KCNJ12: variants seen among roughly 807,000 people sequenced by gnomAD.
KCNJ12 encodes the protein ATP-sensitive inward rectifier potassium channel 12.
Under a neutral mutation model 22.3 loss-of-function variants are expected in KCNJ12, and 2 were observed. That is an observed-to-expected ratio of 0.09 (90% CI 0.04 to 0.28). The LOEUF (loss-of-function observed/expected upper bound fraction) is 0.28, where lower values mean the gene tolerates loss of function less well. Ranked by LOEUF, KCNJ12 falls within the 10% of genes least tolerant of loss-of-function variation. The pLI, the probability that KCNJ12 is intolerant of heterozygous loss-of-function variation, is 1.00. For synonymous variants in KCNJ12, 117 were observed against 261.4 expected, an observed-to-expected ratio of 0.45 and a Z score of 5.33; for missense variants, 155 against 633.3, an observed-to-expected ratio of 0.24 and a Z score of 8.11.
chr17:21,377,320 G>T (rs782237320), intron 1 of KCNJ12, among the ~76,000 whole-genome samples: 4 of 152,102 alleles, frequency 2.6e-5, no homozygotes, highest in African/African-American at 9.7e-5. Context: ...GAGACCCCGC[G>T]ATCGAGGTGG....
chr17:21,411,324 C>T (rs9900223), intron 2 of KCNJ12, among the ~76,000 whole-genome samples: 408 of 151,852 alleles, frequency 2.7e-3, no homozygotes, highest in African/African-American at 7.5e-3. Flanking sequence ...GTGGACTGGT[C>T]GCTGGGAGGC....
rs1477701609 is a variant in KCNJ12 at position 21,418,201 on chromosome 17, G to A, written c.*1557G>A. On this transcript the variant is annotated 3_prime_UTR_variant, in exon 3 of 3. Transcript: ENST00000583088. ...GTAGAGCCAGGCCCTTCCCAGGGCT[G>A]CGGAGAAAACCTGCTCTCTTCTAGT... is the stretch of plus-strand genomic sequence containing the variant. 1.2e-5 allele frequency: 2 copies of A among 167,014 alleles called. No homozygotes were observed. Among genetic ancestry groups the A allele is most frequent in the Non-Finnish European group, 2.9e-5 (2 of 68,166 alleles). The allele number at this position is 167,014 out of a possible 1,614,324, so 10.3% of individuals were successfully genotyped here.
At chr17:21,414,916 T>C (rs1272722922) in intron 2 of KCNJ12, among the ~76,000 whole-genome samples, 2 of 152,306 alleles carry the variant, frequency 1.3e-5, no homozygotes, top group Non-Finnish European at 2.9e-5. Context: ...GTGGCTGCCA[T>C]GGAGACTGGG....
chr17:21,403,881 T>C, intron 1 of KCNJ12, among the ~76,000 whole-genome samples: 1 of 152,278 alleles, frequency 6.6e-6, no homozygotes, highest in Non-Finnish European at 1.5e-5. Context: ...CAGGAAGGGA[T>C]GGAGACAGGA....
intron 2 of KCNJ12, among the ~76,000 whole-genome samples, chr17:21,409,563 C>A (rs76465242): frequency 6.6e-6 from 1 of 152,420 alleles, no homozygotes; most frequent in African/African-American, 2.4e-5. Flanking sequence ...GCCAGGGAAG[C>A]AGTGCCCCTC....
At chr17:21,386,664 C>G (rs1447118422) in intron 1 of KCNJ12, among the ~76,000 whole-genome samples, 1 of 152,126 alleles carries the variant, frequency 6.6e-6, no homozygotes, top group Non-Finnish European at 1.5e-5. Context: ...TGCGCCACCA[C>G]GCCCAGCTAA....
chr17:21,393,080 T>C (rs1209117429), intron 1 of KCNJ12, among the ~76,000 whole-genome samples: 8 of 152,234 alleles, frequency 5.3e-5, no homozygotes, highest in South Asian at 2.1e-4. Flanking sequence ...TTTAAGTCCA[T>C]GTGCCTCCCT....
intron 1 of KCNJ12, among the ~76,000 whole-genome samples, chr17:21,407,737 A>G (rs1447327448): frequency 2.6e-5 from 4 of 151,526 alleles, no homozygotes; most frequent in African/African-American, 9.8e-5. Flanking sequence ...CTATCCAACC[A>G]TCCATCCATC....
intron 1 of KCNJ12, among the ~76,000 whole-genome samples, chr17:21,393,992 G>A (rs575302331): frequency 7.9e-5 from 12 of 152,340 alleles, no homozygotes; most frequent in Non-Finnish European, 1.5e-4. Context: ...CCCAGGCAAA[G>A]GAGGACAGGT....
intron 1 of KCNJ12, among the ~76,000 whole-genome samples, chr17:21,390,380 C>T (rs1279615817): frequency 6.6e-6 from 1 of 152,222 alleles, no homozygotes; most frequent in Non-Finnish European, 1.5e-5. Context: ...AAACAAAGTC[C>T]TGCCCCACGG....
rs1906971920 is a variant in KCNJ12 at position 21,418,490 on chromosome 17, C to T, written c.*1846C>T. On this transcript the variant is annotated 3_prime_UTR_variant, in exon 3 of 3. Transcript: ENST00000583088. ...TGGGGTGGGGGTGTCTGCCTCTTCC[C>T]TCCACCTCCTCCCCTCCTTAGCAGC... The T allele has an allele frequency of 6.0e-6, 1 of 167,272 alleles. No homozygotes were observed. The highest frequency in any genetic ancestry group is 1.5e-5 in the Non-Finnish European group (1 of 68,404). 10.4% of individuals were successfully genotyped at this position (167,272 alleles called of 1,614,324 possible). A position where few individuals can be genotyped will look rare whatever the true frequency, so the allele number is the denominator to read the frequency against.
At position 21,385,641 on chromosome 17, in the gene KCNJ12, C is replaced by T. The variant is rs112079969; in HGVS notation, c.-179+8728C>T. Among the ~76,000 whole-genome samples the T allele has an allele frequency of 5.9e-3, 897 of 152,336 alleles. 9 individuals carry two copies. The highest frequency in any genetic ancestry group is 0.02 in the African/African-American group (843 of 41,584). ...GGGGGTTGTGTAACAGAGGAGACCC[C>T]GCTGCCCTCCTCTTTTCCTCTGCAG... On this transcript the variant is annotated intron_variant, in intron 1 of 2. Transcript: ENST00000583088.
intron 1 of KCNJ12, among the ~76,000 whole-genome samples, chr17:21,395,513 G>A (rs1393822048): frequency 7.3e-6 from 1 of 136,384 alleles, no homozygotes; most frequent in Admixed American, 7.8e-5. Flanking sequence ...CCCGGGATGC[G>A]GACGTTGCAG....
chr17:21,416,770 C>T lies in KCNJ12; in HGVS notation c.*126C>T, dbSNP rs542033485. ...GTTGCAGACTCAGTAGCGTTTTAGT[C>T]GTTTTATGTTTCTTTGCAACGGCCT... On this transcript the variant is annotated 3_prime_UTR_variant, in exon 3 of 3. Coordinates refer to ENST00000583088, the MANE Select transcript of KCNJ12 (RefSeq NM_021012.5). The T allele has an allele frequency of 8.8e-4, 1,243 of 1,412,034 alleles. No homozygotes were observed. In the Admixed American group the frequency reaches 0.022, roughly 25 times the overall value. 87.5% of individuals were successfully genotyped at this position (1,412,034 alleles called of 1,614,324 possible).
chr17:21,407,265 C>T (rs1317409493), intron 1 of KCNJ12, among the ~76,000 whole-genome samples: 30 of 152,208 alleles, frequency 2.0e-4, no homozygotes, highest in African/African-American at 6.8e-4. Flanking sequence ...TCTATCCATT[C>T]ATTTCTCTAC....
rs1906976232 is a variant in KCNJ12 at position 21,418,603 on chromosome 17, C to T, written c.*1959C>T. 6.0e-6 allele frequency: 1 copy of T among 167,162 alleles called. No individual in the cohort carries two copies. Among genetic ancestry groups the T allele is most frequent in the African/African-American group, 2.4e-5 (1 of 41,382 alleles). The allele number at this position is 167,162 out of a possible 1,614,324, so 10.4% of individuals were successfully genotyped here. On this transcript the variant is annotated 3_prime_UTR_variant, in exon 3 of 3. Transcript: ENST00000583088. ...GGTAGGCCCGACTCAGCATCCTGTC[C>T]CAGCTTCAGCCCCACACTCATTTCT...
At chr17:21,385,607 G>A (rs1444786146) in intron 1 of KCNJ12, among the ~76,000 whole-genome samples, 2 of 152,176 alleles carry the variant, frequency 1.3e-5, no homozygotes, top group Non-Finnish European at 2.9e-5. Context: ...AGTGGCCCCG[G>A]CCCTCCCTGG....
rs1906636293 is a variant in KCNJ12 at position 21,415,294 on chromosome 17, C to T, written c.-49C>T. ...CTGTCGTCTCTGTTGCAGGAGCCGC[C>T]CTGCCTGGAGCTAGCCTGGGGGCGA... is the stretch of plus-strand genomic sequence containing the variant. On this transcript the variant is annotated 5_prime_UTR_variant, in exon 3 of 3. Transcript: ENST00000583088. 1.3e-6 allele frequency: 2 copies of T among 1,580,996 alleles called. No individual in the cohort carries two copies. The highest frequency in any genetic ancestry group is 1.3e-5 in the African/African-American group (1 of 74,306).
At chr17:21,396,298 G>GC (rs1215601324) in intron 1 of KCNJ12, among the ~76,000 whole-genome samples, 7 of 152,218 alleles carry the variant, frequency 4.6e-5, no homozygotes, top group African/African-American at 1.4e-4. Context: ...GAGAAGGGCA[G>GC]CCGGGAATCT....
Sources: allele counts gnomAD v4.1 joint callset (sites outside exome capture counted in the v4.1 genomes callset), GRCh38; gene constraint gnomAD v4.1.1; transcripts MANE v1.5; gene names NCBI Gene and HGNC (gene_info 2026-07-23, HGNC 2026-07-21).